The following GMCL1 variants were observed in gnomAD, a reference collection of about 807,000 sequenced individuals.
The protein encoded by GMCL1 is germ cell-less protein-like 1.
GMCL1 carries 54 observed loss-of-function variants against 75.5 expected under a neutral mutation model. The ratio of observed to expected loss-of-function variants is 0.71; its 90% CI spans 0.57 to 0.90. The LOEUF (loss-of-function observed/expected upper bound fraction) is 0.90. Ranked by LOEUF, GMCL1 falls within the 40% of genes least tolerant of loss-of-function variation. The probability of loss-of-function intolerance (pLI) is 0.00; values close to 1 mark genes in which losing one functional copy is unlikely to be tolerated. For synonymous variants in GMCL1, 210 were observed against 209.6 expected (o/e 1.00, Z -0.02); for missense variants, 537 against 622.7 (o/e 0.86, Z 1.47).
intron 9 of GMCL1, among the ~76,000 whole-genome samples, chr2:69,857,322 C>T (rs1242227669): frequency 6.6e-6 from 1 of 152,186 alleles, no homozygotes; most frequent in Non-Finnish European, 1.5e-5. Flanking sequence ...TGTTCCTATA[C>T]CCTCTACTTT....
intron 12 of GMCL1, 28 bp downstream of exon 12, chr2:69,869,892 C>T (rs755215501): frequency 3.1e-6 from 5 of 1,600,934 alleles, no homozygotes; most frequent in Non-Finnish European, 4.3e-6. Context: ...CACCCCACTC[C>T]TCCTCACTCC....
At chr2:69,867,348 C>T (rs1558550168) in intron 11 of GMCL1, among the ~76,000 whole-genome samples, 1 of 152,120 alleles carries the variant, frequency 6.6e-6, no homozygotes, top group African/African-American at 2.4e-5. Flanking sequence ...TCCACCCTAC[C>T]TCAGGCATCC....
At chr2:69,865,647 CA>C (rs1054775032) in intron 11 of GMCL1, among the ~76,000 whole-genome samples, 20 of 139,776 alleles carry the variant, frequency 1.4e-4, no homozygotes, top group Non-Finnish European at 1.4e-4. Context: ...GACTCCATCT[CA>C]AAAAAAAAAA....
At chr2:69,849,834 T>A in intron 8 of GMCL1, 92 bp downstream of exon 8, 1 of 681,684 alleles carries the variant, frequency 1.5e-6, no homozygotes, top group Non-Finnish European at 2.3e-6. Flanking sequence ...ATTAATTAAT[T>A]AAATGAAATC....
chr2:69,863,637 T>C (rs1330278743), intron 10 of GMCL1, among the ~76,000 whole-genome samples: 1 of 152,222 alleles, frequency 6.6e-6, no homozygotes, highest in East Asian at 1.9e-4. Flanking sequence ...TTTCTCTGCT[T>C]TCATATGTTT....
chr2:69,853,967 A>G (rs889112847), intron 8 of GMCL1, among the ~76,000 whole-genome samples: 1 of 151,658 alleles, frequency 6.6e-6, no homozygotes, highest in Non-Finnish European at 1.5e-5. Context: ...ACACCCAGCT[A>G]ATTTTTTTTG....
intron 9 of GMCL1, among the ~76,000 whole-genome samples, chr2:69,858,720 T>A (rs113841744): frequency 1.8e-4 from 28 of 152,326 alleles, no homozygotes; most frequent in African/African-American, 6.3e-4. Context: ...ACCAGAAAGA[T>A]TTCAAGTTTG....
chr2:69,852,708 T>C (rs188807828), intron 8 of GMCL1, among the ~76,000 whole-genome samples: 8 of 152,260 alleles, frequency 5.3e-5, no homozygotes, highest in African/African-American at 1.7e-4. Flanking sequence ...CCAGCTAATA[T>C]TTTGTATTTT....
intron 2 of GMCL1, 27 bp downstream of exon 2, chr2:69,837,697 A>G: frequency 6.3e-7 from 1 of 1,586,158 alleles, no homozygotes; most frequent in Non-Finnish European, 8.5e-7. Context: ...TTTGAGTAAC[A>G]GGGTAGTCAC....
At chr2:69,848,152 C>G (rs550864382) in intron 7 of GMCL1, among the ~76,000 whole-genome samples, 26 of 152,304 alleles carry the variant, frequency 1.7e-4, no homozygotes, top group Admixed American at 5.9e-4. Context: ...GATAGTGAGA[C>G]TCAGAGCAGG....
chr2:69,867,808 G>A (rs1166947300), intron 11 of GMCL1, among the ~76,000 whole-genome samples: 1 of 152,170 alleles, frequency 6.6e-6, no homozygotes, highest in Non-Finnish European at 1.5e-5. Flanking sequence ...GTAGGTTAGT[G>A]CTGCATCATG....
chr2:69,868,565 A>AT (rs557792836), intron 11 of GMCL1, among the ~76,000 whole-genome samples: 10 of 149,582 alleles, frequency 6.7e-5, no homozygotes, highest in South Asian at 2.1e-4. Flanking sequence ...TTTTATTTTT[A>AT]TTTTTTTTTA....
chr2:69,847,609 A>C lies in GMCL1; in HGVS notation c.825A>C (p.Ile275=), dbSNP rs1675191491. The C allele has an allele frequency of 6.2e-7, 1 of 1,600,500 alleles. No homozygotes were observed. Among genetic ancestry groups the C allele is most frequent in the African/African-American group, 1.3e-5 (1 of 74,676 alleles). ...TTGTGATGCAAGTGGAGATGGATAT[A>C]TACACTGCTCTAAAAAAGGTACTGA... is the stretch of plus-strand genomic sequence containing the variant. ...NLFVMQVEMD[I]YTALKKWMFL... Residue 275 remains isoleucine (I), a synonymous_variant, in exon 7 of 14, where the codon ATA becomes ATC. Transcript: ENST00000282570.
intron 7 of GMCL1, 82 bp downstream of exon 7, chr2:69,847,709 C>A: frequency 1.3e-6 from 1 of 778,608 alleles, no homozygotes; most frequent in South Asian, 1.7e-5. Flanking sequence ...GAAACAGTAT[C>A]CAGTAATAAA....
In GMCL1 at chr2:69,847,545, T is replaced by C. The variant is rs1036440835; in HGVS notation, c.761T>C (p.Ile254Thr). 7 of 1,595,260 alleles carry C rather than the reference T, an allele frequency of 4.4e-6. No individual in the cohort carries two copies. Among genetic ancestry groups the C allele is most frequent in the African/African-American group, 4.0e-5 (3 of 74,530 alleles). The change falls in exon 7 of 14, where the codon ATA (isoleucine) becomes ACA (threonine). Residue 254 changes from isoleucine (I) to threonine (T), a missense_variant and splice_region_variant. Transcript: ENST00000282570. ...QNVELFKELS[I>T]NVMKQLIGSS... Reference sequence around the variant, plus strand: ...CTCCCTCTATTTATCCTTTTCAGTATAAATGTCATGAAACAGCTCATTGGT... The same window carrying C: ...CTCCCTCTATTTATCCTTTTCAGTACAAATGTCATGAAACAGCTCATTGGT...
intron 11 of GMCL1, 155 bp from the exon 12 acceptor site, chr2:69,869,564 G>A: frequency 1.6e-6 from 1 of 619,654 alleles, no homozygotes; most frequent in South Asian, 2.2e-5. Context: ...ATAGTTTTGG[G>A]TGGTAAGCCT....
At chr2:69,867,723 G>A (rs959836730) in intron 11 of GMCL1, among the ~76,000 whole-genome samples, 2 of 152,174 alleles carry the variant, frequency 1.3e-5, no homozygotes, top group South Asian at 2.1e-4. Context: ...CCTGCATCCA[G>A]ACAGATGAAT....
At chr2:69,852,483 A>G (rs1675345170) in intron 8 of GMCL1, among the ~76,000 whole-genome samples, 1 of 138,700 alleles carries the variant, frequency 7.2e-6, no homozygotes, top group African/African-American at 3.0e-5. Context: ...TACTTAGGAA[A>G]TAGGATAGAA....
rs1345451103 is a variant in GMCL1 at position 69,881,105 on chromosome 2, G to C, written c.*2101G>C. The C allele has an allele frequency of 6.6e-6, 1 of 152,172 alleles. No individual in the cohort carries two copies. Among genetic ancestry groups the C allele is most frequent in the African/African-American group, 2.4e-5 (1 of 41,450 alleles). 9.4% of individuals were successfully genotyped at this position (152,172 alleles called of 1,614,324 possible). ...TAACTGTTTCATTTCACTTACATAA[G>C]TTAACTGGCCAAATTGGATTTATAT... On this transcript the variant is annotated 3_prime_UTR_variant, in exon 14 of 14. Coordinates refer to ENST00000282570, the MANE Select transcript of GMCL1 (RefSeq NM_178439.5).
Sources: allele counts gnomAD v4.1 joint callset (sites outside exome capture counted in the v4.1 genomes callset), GRCh38; gene constraint gnomAD v4.1.1; transcripts MANE v1.5; gene names NCBI Gene and HGNC (gene_info 2026-07-23, HGNC 2026-07-21).